The following ZNF280D variants were observed in gnomAD, a reference collection of about 807,000 sequenced individuals.
ZNF280D encodes suppressor of hairy wing homolog 4.
In ZNF280D, 39 loss-of-function variants were observed where a neutral mutation model predicts 94.7. That is an observed-to-expected ratio of 0.41 (90% CI 0.32 to 0.54). The LOEUF (loss-of-function observed/expected upper bound fraction) is 0.54, where lower values mean the gene tolerates loss of function less well. ZNF280D is among the 20% of genes least tolerant of loss of function. The pLI is 0.22. For missense variants in ZNF280D, 1,090 were observed against 1,149.3 expected, an observed-to-expected ratio of 0.95 and a Z score of 0.75; for synonymous variants, 398 against 377.6, an observed-to-expected ratio of 1.05 and a Z score of -0.63.
At chr15:56,667,466 A>G (rs1937468303) in intron 14 of ZNF280D, among the ~76,000 whole-genome samples, 1 of 152,182 alleles carries the variant, frequency 6.6e-6, no homozygotes, top group African/African-American at 2.4e-5. Context: ...TATGCTTACA[A>G]ATGTTATGGG....
At chr15:56,650,597 A>G (rs1233207340) in intron 19 of ZNF280D, among the ~76,000 whole-genome samples, 2 of 152,176 alleles carry the variant, frequency 1.3e-5, no homozygotes, top group South Asian at 2.1e-4. Flanking sequence ...TGATTCAACA[A>G]TAAAATAGGC....
intron 17 of ZNF280D, among the ~76,000 whole-genome samples, chr15:56,657,766 C>G (rs2053647770): frequency 6.6e-6 from 1 of 152,058 alleles, no homozygotes. Flanking sequence ...TCAAACACTG[C>G]TGGTGGGAAT....
chr15:56,653,808 A>T, intron 19 of ZNF280D: 3 of 1,262,900 alleles, frequency 2.4e-6, no homozygotes, highest in Non-Finnish European at 3.0e-6. Context: ...CCATAGCAAC[A>T]AATGTTATTT....
At chr15:56,632,622 A>G (rs1302683175) in intron 21 of ZNF280D, among the ~76,000 whole-genome samples, 1 of 151,160 alleles carries the variant, frequency 6.6e-6, no homozygotes, top group African/African-American at 2.4e-5. Context: ...CAGCCTCCCA[A>G]GTAGCTAGGA....
intron 10 of ZNF280D, among the ~76,000 whole-genome samples, chr15:56,679,194 A>G (rs1211196108): frequency 6.6e-6 from 1 of 152,176 alleles, no homozygotes; most frequent in African/African-American, 2.4e-5. Context: ...AGGAAACTCT[A>G]TATCCATACT....
At chr15:56,681,798 T>C (rs2141001227) in intron 10 of ZNF280D, among the ~76,000 whole-genome samples, 1 of 152,236 alleles carries the variant, frequency 6.6e-6, no homozygotes, top group East Asian at 1.9e-4. Context: ...CTAAAACTGA[T>C]AATTTTTCCT....
In ZNF280D at chr15:56,707,417, C is replaced by A. The variant is rs1462943021; in HGVS notation, c.-85-111G>T. ...AATTATGTTTGATATATCTGATATACACATATAGTTCATTTTACATAATTG... is the reference window on the plus strand; with the variant it reads ...AATTATGTTTGATATATCTGATATAAACATATAGTTCATTTTACATAATTG... On this transcript the variant is annotated intron_variant, in intron 1 of 21. Coordinates refer to ENST00000267807, the MANE Select transcript of ZNF280D (RefSeq NM_017661.4). 19 of 831,196 alleles carry A rather than the reference C, an allele frequency of 2.3e-5. 1 individual carries two copies. In the South Asian group the frequency reaches 3.0e-4, roughly 13 times the overall value. The allele number at this position is 831,196 out of a possible 1,614,324, so 51.5% of individuals were successfully genotyped here.
chr15:56,634,386 T>A (rs1596315253), intron 21 of ZNF280D, among the ~76,000 whole-genome samples: 2 of 152,142 alleles, frequency 1.3e-5, no homozygotes, highest in Non-Finnish European at 2.9e-5. Context: ...AATACAGAGA[T>A]GACCAGTCCG....
chr15:56,718,787 G>C (rs1485235205), intron 1 of ZNF280D, among the ~76,000 whole-genome samples: 2 of 152,128 alleles, frequency 1.3e-5, no homozygotes, highest in African/African-American at 2.4e-5. Context: ...CTACTCCACA[G>C]TGCTTTGCTA....
chr15:56,650,188 T>C (rs1033442307), intron 19 of ZNF280D, among the ~76,000 whole-genome samples: 2 of 151,980 alleles, frequency 1.3e-5, no homozygotes, highest in African/African-American at 4.8e-5. Context: ...CTTGCACACA[T>C]AAAAAGTAGG....
chr15:56,640,789 T>C (rs1200082724), intron 20 of ZNF280D, among the ~76,000 whole-genome samples: 1 of 152,174 alleles, frequency 6.6e-6, no homozygotes, highest in Non-Finnish European at 1.5e-5. Context: ...TGTTTAAGAC[T>C]GCACTAAGCA....
At chr15:56,723,228 TAATAAAAA>T (rs1394602663) in intron 1 of ZNF280D, among the ~76,000 whole-genome samples, 2 of 105,444 alleles carry the variant, frequency 1.9e-5, no homozygotes, top group Non-Finnish European at 4.4e-5. Flanking sequence ...TAAAGTATAA[TAATAAAAA>T]AATAAATAAA....
intron 6 of ZNF280D, among the ~76,000 whole-genome samples, chr15:56,697,493 C>A (rs191018873): frequency 3.3e-5 from 5 of 152,280 alleles, no homozygotes; most frequent in African/African-American, 7.2e-5. Flanking sequence ...CCACCTGTTA[C>A]ATTTTTTAAA....
intron 20 of ZNF280D, among the ~76,000 whole-genome samples, chr15:56,642,453 G>A (rs977333199): frequency 2.0e-5 from 3 of 151,758 alleles, no homozygotes; most frequent in African/African-American, 2.4e-5. Context: ...TATTTCTACA[G>A]TCATCTATTA....
At chr15:56,679,423 T>C (rs1047125742) in intron 10 of ZNF280D, among the ~76,000 whole-genome samples, 2 of 152,248 alleles carry the variant, frequency 1.3e-5, no homozygotes, top group African/African-American at 4.8e-5. Flanking sequence ...ACCTTTTGTT[T>C]TATTTAATGA....
At chr15:56,715,183 A>G (rs2057975590) in intron 1 of ZNF280D, among the ~76,000 whole-genome samples, 1 of 152,188 alleles carries the variant, frequency 6.6e-6, no homozygotes, top group Admixed American at 6.5e-5. Flanking sequence ...AGGAGTTTGA[A>G]TAAAAGCAAT....
At position 56,636,485 on chromosome 15, in the gene ZNF280D, A is replaced by ATT. The variant is rs71113011; in HGVS notation, c.2260-1237_2260-1236dup. On this transcript the variant is annotated intron_variant, in intron 20 of 21. Transcript: ENST00000267807. ...CTAAAACTTAACTTCCTTCCTTCCTATTTTTTTTTTTTTTTTTTGACAGAG... is the reference window on the plus strand; with the variant it reads ...CTAAAACTTAACTTCCTTCCTTCCTATTTTTTTTTTTTTTTTTTTTGACAGAG... Among the ~76,000 whole-genome samples, 1,284 of 130,194 alleles carry ATT rather than the reference A, an allele frequency of 9.9e-3. 35 individuals carry two copies. The highest frequency in any genetic ancestry group is 0.015 in the African/African-American group (503 of 34,668). The allele number at this position is 130,194 out of a possible 152,430, so 85.4% of individuals were successfully genotyped here.
chr15:56,711,948 C>A (rs1399937677), intron 1 of ZNF280D, among the ~76,000 whole-genome samples: 2 of 152,130 alleles, frequency 1.3e-5, no homozygotes, highest in Non-Finnish European at 2.9e-5. Context: ...GTACTGAATA[C>A]CGCAGGCAAT....
intron 6 of ZNF280D, among the ~76,000 whole-genome samples, chr15:56,693,948 G>A (rs1374285867): frequency 3.3e-5 from 5 of 152,104 alleles, no homozygotes; most frequent in African/African-American, 1.2e-4. Context: ...AAATATGAAA[G>A]CAAACCGGTC....
Sources: allele counts gnomAD v4.1 joint callset (sites outside exome capture counted in the v4.1 genomes callset), GRCh38; gene constraint gnomAD v4.1.1; transcripts MANE v1.5; gene names NCBI Gene and HGNC (gene_info 2026-07-23, HGNC 2026-07-21).